The following ASB2 variants were observed in gnomAD, a reference collection of about 807,000 sequenced individuals.
ASB2 encodes the protein ankyrin repeat and SOCS box protein 2.
In ASB2, 58 loss-of-function variants were observed where a neutral mutation model predicts 62.4. That is an observed-to-expected ratio of 0.93 (90% CI 0.75 to 1.16). The LOEUF (loss-of-function observed/expected upper bound fraction) is 1.16, where lower values mean the gene tolerates loss of function less well. Ranked by LOEUF, ASB2 falls within the 50% of genes most tolerant of loss-of-function variation. The pLI, the probability that ASB2 is intolerant of heterozygous loss-of-function variation, is 0.00. For synonymous variants in ASB2, 386 were observed against 385.3 expected (o/e 1.00, Z -0.02); for missense variants, 928 against 887.9 (o/e 1.05, Z -0.57).
At chr14:93,943,393 G>A (rs1057081666) in intron 7 of ASB2, among the ~76,000 whole-genome samples, 3 of 152,132 alleles carry the variant, frequency 2.0e-5, no homozygotes, top group Non-Finnish European at 2.9e-5. Flanking sequence ...GCCTGTAATC[G>A]GAGCACTTTG....
chr14:93,960,533 C>T (rs888520666), intron 2 of ASB2, among the ~76,000 whole-genome samples: 1 of 152,200 alleles, frequency 6.6e-6, no homozygotes, highest in African/African-American at 2.4e-5. Flanking sequence ...ATTAGGAAGA[C>T]CCAGCCTCCT....
At chr14:93,946,520 T>A (rs1244862788) in intron 7 of ASB2, among the ~76,000 whole-genome samples, 2 of 152,238 alleles carry the variant, frequency 1.3e-5, no homozygotes, top group East Asian at 3.8e-4. Flanking sequence ...TTTTAAGCTA[T>A]CAATGTGAGG....
At chr14:93,943,206 G>A (rs1374404414) in intron 7 of ASB2, among the ~76,000 whole-genome samples, 2 of 152,160 alleles carry the variant, frequency 1.3e-5, no homozygotes, top group Non-Finnish European at 2.9e-5. Context: ...AATCTGATTG[G>A]CCCGTAGTCG....
At chr14:93,970,274 C>T (rs949313970) in intron 1 of ASB2, among the ~76,000 whole-genome samples, 3 of 152,224 alleles carry the variant, frequency 2.0e-5, no homozygotes, top group Non-Finnish European at 2.9e-5. Context: ...CACCAAGCTC[C>T]ACCAGAGGCT....
chr14:93,942,061 C>T, intron 7 of ASB2: 1 of 427,482 alleles, frequency 2.3e-6, no homozygotes, highest in South Asian at 1.6e-5. Context: ...CCCCTCTCCT[C>T]CCAACTATGG....
chr14:93,940,632 T>C (rs1326303783), intron 7 of ASB2: 4 of 152,266 alleles, frequency 2.6e-5, no homozygotes, highest in Non-Finnish European at 4.4e-5. Context: ...TGACGCTAGC[T>C]TCTCCCAGTC....
chr14:93,975,119 G>A (rs1184891929), intron 1 of ASB2, among the ~76,000 whole-genome samples: 41 of 152,246 alleles, frequency 2.7e-4, no homozygotes, highest in Non-Finnish European at 1.5e-5. Context: ...TTCTGCCCAG[G>A]CAGAGGTCAG....
At chr14:93,962,604 T>C (rs973590861) in intron 2 of ASB2, among the ~76,000 whole-genome samples, 5 of 152,212 alleles carry the variant, frequency 3.3e-5, no homozygotes, top group Non-Finnish European at 5.9e-5. Context: ...TAAATGTTCA[T>C]GGCCCACTGT....
At chr14:93,939,030 G>A (rs1210954357) in intron 8 of ASB2, 78 bp downstream of exon 8, 18 of 1,290,024 alleles carry the variant, frequency 1.4e-5, no homozygotes, top group Non-Finnish European at 1.8e-5. Context: ...ACCCGGCCCC[G>A]CCCGCCTCCC....
intron 1 of ASB2, among the ~76,000 whole-genome samples, chr14:93,972,433 G>A (rs1223815598): frequency 6.6e-6 from 1 of 152,104 alleles, no homozygotes; most frequent in African/African-American, 2.4e-5. Flanking sequence ...TGGTGCCTGT[G>A]GGTCCTTGTC....
intron 3 of ASB2, among the ~76,000 whole-genome samples, 158 bp from the exon 4 acceptor site, chr14:93,954,641 A>C (rs1367174101): frequency 2.6e-5 from 4 of 152,188 alleles, no homozygotes; most frequent in Non-Finnish European, 5.9e-5. Context: ...CTGCAAGAGG[A>C]CTGGGGGATC....
At chr14:93,974,791 C>T (rs1021187097) in intron 1 of ASB2, among the ~76,000 whole-genome samples, 2 of 152,196 alleles carry the variant, frequency 1.3e-5, no homozygotes, top group East Asian at 1.9e-4. Flanking sequence ...TAGCCTTGAC[C>T]GAAGTCAGTG....
In ASB2 at chr14:93,975,288, C is replaced by A. The variant is rs74075659; in HGVS notation, c.-74+1146G>T. On this transcript the variant is annotated intron_variant, in intron 1 of 9. Coordinates refer to ENST00000555019, the MANE Select transcript of ASB2 (RefSeq NM_001202429.2). ...GCTTCAGGCCTTCCTCATTTACCTG[C>A]CCTCCCTAGGAGTCACCAGCCTCCT... Among the ~76,000 whole-genome samples the A allele has an allele frequency of 2.8e-3, 429 of 152,352 alleles. 1 individual carries two copies. Among genetic ancestry groups the A allele is most frequent in the African/African-American group, 9.3e-3 (386 of 41,592 alleles).
In ASB2 at chr14:93,947,365, T is replaced by C. The variant is rs1450411586; in HGVS notation, c.1036A>G (p.Lys346Glu). ...TGGGCTGACCTGTAGTTGCCCTTCT[T>C]GGAGGCGATGTGCAGCGGGAGCAAG... ...DGLLPLHIAS[K>E]KGNYRIVQML... is the part of the protein sequence containing the mutation. Residue 346 changes from lysine (K) to glutamate (E), a missense_variant, in exon 7 of 10, where the codon AAG (lysine) becomes GAG (glutamate). Lys to Glu is a moderately conservative substitution (Grantham distance 56, BLOSUM62 1). Transcript: ENST00000555019. The C allele has an allele frequency of 1.9e-6, 3 of 1,614,160 alleles. No homozygotes were observed. The highest frequency in any genetic ancestry group is 1.7e-6 in the Non-Finnish European group (2 of 1,180,020).
Position 93,940,724 on chromosome 14 carries a change from T to C in ASB2, c.1053-1052A>G, listed in dbSNP as rs905347977. On this transcript the variant is annotated intron_variant, in intron 7 of 9. Transcript: ENST00000555019. ...CTCCCTGCAACCACCAGTTCCTCTC[T>C]TCCCTAAAACACGAGCACTGATCTC... is the stretch of plus-strand genomic sequence containing the variant. Among the ~76,000 whole-genome samples the C allele has an allele frequency of 2.6e-5, 4 of 152,334 alleles. No homozygotes were observed. The East Asian group carries it at 5.8e-4, about 22-fold the overall frequency.
At position 93,934,534 on chromosome 14, in the gene ASB2, C is replaced by T. The variant is rs1888199632; in HGVS notation, c.*122G>A. 1.0e-6 allele frequency: 1 copy of T among 973,368 alleles called. No homozygotes were observed. The highest frequency in any genetic ancestry group is 1.6e-5 in the African/African-American group (1 of 62,240). 60.3% of individuals were successfully genotyped at this position (973,368 alleles called of 1,614,324 possible). ...AGTGAGATCCTGGTAGCTGTCCAGG[C>T]TGAGAGGGAGGCAGCCTGCAGCCTC... is the stretch of plus-strand genomic sequence containing the variant. On this transcript the variant is annotated 3_prime_UTR_variant, in exon 10 of 10. Coordinates refer to ENST00000555019, the MANE Select transcript of ASB2 (RefSeq NM_001202429.2).
chr14:93,960,779 A>G (rs2141307668), intron 2 of ASB2, among the ~76,000 whole-genome samples: 1 of 152,282 alleles, frequency 6.6e-6, no homozygotes, highest in South Asian at 2.1e-4. Flanking sequence ...TCTTTGGGAT[A>G]CTGATCTTTC....
chr14:93,962,545 G>T (rs1430063453), intron 2 of ASB2, among the ~76,000 whole-genome samples: 1 of 152,144 alleles, frequency 6.6e-6, no homozygotes, highest in South Asian at 2.1e-4. Context: ...CTCGACCTGG[G>T]AGAAATGGTC....
At chr14:93,950,931 C>A in intron 6 of ASB2, 68 bp downstream of exon 6, 1 of 1,545,080 alleles carries the variant, frequency 6.5e-7, no homozygotes, top group South Asian at 1.2e-5. Flanking sequence ...TCCCTTAGAG[C>A]TGACCTCTGA....
Sources: allele counts gnomAD v4.1 joint callset (sites outside exome capture counted in the v4.1 genomes callset), GRCh38; gene constraint gnomAD v4.1.1; transcripts MANE v1.5; gene names NCBI Gene and HGNC (gene_info 2026-07-23, HGNC 2026-07-21).